ADARB1: variants seen among roughly 807,000 people sequenced by gnomAD.
ADARB1 encodes double-stranded RNA-specific editase 1.
Under a neutral mutation model 52.4 loss-of-function variants are expected in ADARB1, and 10 were observed. The observed-to-expected ratio is 0.19, with a 90% CI of 0.12 to 0.32. ADARB1 has a LOEUF of 0.32. Ranked by LOEUF, ADARB1 falls within the 10% of genes least tolerant of loss-of-function variation. The probability of loss-of-function intolerance (pLI) is 1.00; values close to 1 mark genes in which losing one functional copy is unlikely to be tolerated. For missense variants in ADARB1, 643 were observed against 922.3 expected (o/e 0.70, Z 3.92); for synonymous variants, 349 against 371.1 (o/e 0.94, Z 0.68).
At chr21:45,179,519 A>G (rs894526628) in intron 4 of ADARB1, among the ~76,000 whole-genome samples, 21 of 152,228 alleles carry the variant, frequency 1.4e-4, no homozygotes, top group Admixed American at 1.3e-3. Flanking sequence ...TATATCCAAG[A>G]TAAATCATAA....
rs183436718 is a variant in ADARB1 at position 45,128,862 on chromosome 21, G to A, written c.-48+289G>A. On this transcript the variant is annotated intron_variant, in intron 2 of 10. Transcript: ENST00000348831. This position sits in a 1 kb window ranked among gnomAD's most constrained non-coding sequence, Gnocchi z 4.6. ...GTGTGGCACTTGCTGCCCTCTTTGG[G>A]GTCAGTTCACCATTTATTGAGTCAG... 2.8e-4 allele frequency among the ~76,000 whole-genome samples: 42 copies of A among 152,176 alleles called. 1 individual carries two copies. Among genetic ancestry groups the A allele is most frequent in the Non-Finnish European group, 7.4e-5 (5 of 68,004 alleles).
At chr21:45,180,492 C>CA (rs768161896) in intron 5 of ADARB1, 48 bp downstream of exon 5, 80 of 1,462,470 alleles carry the variant, frequency 5.5e-5, no homozygotes, top group Non-Finnish European at 7.1e-5. Flanking sequence ...TCATGTCTGA[C>CA]AAATGTGAAA....
intron 2 of ADARB1, among the ~76,000 whole-genome samples, chr21:45,162,103 G>GAGGAGAGGAGGAGAGA (rs1451048632): frequency 6.6e-6 from 1 of 152,190 alleles, no homozygotes; most frequent in Non-Finnish European, 1.5e-5. Flanking sequence ...TGCAGGCAAT[G>GAGGAGAGGAGGAGAGA]AGGAGAGGAG....
rs1246467652 is a variant in ADARB1 at position 45,191,700 on chromosome 21, C to T, written c.1565+6609C>T. On this transcript the variant is annotated intron_variant, in intron 8 of 10. Transcript: ENST00000348831. ...TGTTTATAAGTTAAATAGGCCTATA[C>T]TTTTTCTAAACTTTTTAATTGTTCT... Among the ~76,000 whole-genome samples the T allele has an allele frequency of 4.0e-5, 6 of 151,388 alleles. No homozygotes were observed. In the South Asian group the frequency reaches 1.2e-3, roughly 31 times the overall value.
At chr21:45,153,058 C>T (rs962410595) in intron 2 of ADARB1, among the ~76,000 whole-genome samples, 3 of 152,146 alleles carry the variant, frequency 2.0e-5, no homozygotes, top group African/African-American at 4.8e-5. Context: ...TTTCCTTTGC[C>T]GCACTCTTCA....
chr21:45,170,850 A>G (rs1335837933), intron 2 of ADARB1, among the ~76,000 whole-genome samples: 2 of 152,240 alleles, frequency 1.3e-5, no homozygotes, highest in Non-Finnish European at 2.9e-5. Context: ...AAACTCTTAA[A>G]TTTGTTAGTA....
rs1460205379 is a variant in ADARB1, at chr21:45,224,244, A to C, written c.*2047A>C. 5.1e-6 allele frequency: 5 copies of C among 985,342 alleles called. No homozygotes were observed. In the East Asian group the frequency reaches 3.4e-4, roughly 67 times the overall value. 61.0% of individuals were successfully genotyped at this position (985,342 alleles called of 1,614,324 possible). ...TGTTAATATATTCCATATACATACAAAACTACCCGGTATGTCTGGCTTTTC... is the reference window on the plus strand; with the variant it reads ...TGTTAATATATTCCATATACATACACAACTACCCGGTATGTCTGGCTTTTC... On this transcript the variant is annotated 3_prime_UTR_variant, in exon 11 of 11. Coordinates refer to ENST00000348831, the MANE Select transcript of ADARB1 (RefSeq NM_001112.4).
chr21:45,223,834 G>C lies in ADARB1; in HGVS notation c.*1637G>C, dbSNP rs999304817. The stretch of plus-strand genomic sequence containing the variant: ...CACGTGTGTCCACACAGATCTCGTC[G>C]CAGCACGGCAGGAAGGGGTGCTGCT... On this transcript the variant is annotated 3_prime_UTR_variant, in exon 11 of 11. Transcript: ENST00000348831. 6.1e-6 allele frequency: 6 copies of C among 985,376 alleles called. No individual in the cohort carries two copies. In the Admixed American group the frequency reaches 2.5e-4, roughly 40 times the overall value. The allele number at this position is 985,376 out of a possible 1,614,324, so 61.0% of individuals were successfully genotyped here. A position where few individuals can be genotyped will look rare whatever the true frequency, so the allele number is the denominator to read the frequency against.
chr21:45,102,287 T>A (rs2087053834), intron 1 of ADARB1, among the ~76,000 whole-genome samples: 1 of 152,246 alleles, frequency 6.6e-6, no homozygotes, highest in South Asian at 2.1e-4. Context: ...AAATAATTTT[T>A]GATTTCTTGG....
chr21:45,078,054 AT>A (rs902617184), intron 1 of ADARB1, among the ~76,000 whole-genome samples: 169 of 146,742 alleles, frequency 1.2e-3, no homozygotes, highest in South Asian at 3.0e-3. Flanking sequence ...AATTATCACA[AT>A]TTTTTTTTTT....
chr21:45,121,796 C>A (rs1214989552), intron 1 of ADARB1, among the ~76,000 whole-genome samples: 1 of 152,168 alleles, frequency 6.6e-6, no homozygotes, highest in Non-Finnish European at 1.5e-5. Flanking sequence ...CTTAGTTTAC[C>A]TGTTTACTAA....
At chr21:45,163,958 G>A (rs940492456) in intron 2 of ADARB1, among the ~76,000 whole-genome samples, 2 of 152,204 alleles carry the variant, frequency 1.3e-5, no homozygotes, top group Non-Finnish European at 2.9e-5. Flanking sequence ...CTTGGGCTGT[G>A]TGCTTTTTTT....
intron 2 of ADARB1, among the ~76,000 whole-genome samples, chr21:45,168,437 T>G (rs1281091351): frequency 2.0e-5 from 3 of 152,258 alleles, no homozygotes; most frequent in African/African-American, 7.2e-5. Context: ...TCTAAAAGTT[T>G]TATAGTTTTA....
intron 1 of ADARB1, among the ~76,000 whole-genome samples, chr21:45,125,211 T>C (rs1264620565): frequency 6.6e-6 from 1 of 152,240 alleles, no homozygotes; most frequent in Non-Finnish European, 1.5e-5. Flanking sequence ...GTTTAAGTGA[T>C]AATTCCATTT....
intron 1 of ADARB1, among the ~76,000 whole-genome samples, chr21:45,082,549 C>A (rs1334242928): frequency 1.3e-5 from 2 of 152,194 alleles, no homozygotes; most frequent in African/African-American, 4.8e-5. Context: ...TCAGTTATTC[C>A]TCTCATGACA....
chr21:45,203,658 G>A (rs147980990), intron 8 of ADARB1, among the ~76,000 whole-genome samples: 9 of 152,348 alleles, frequency 5.9e-5, no homozygotes, highest in African/African-American at 2.2e-4. Context: ...TTGGTGTCAT[G>A]CATGTCAGCT....
At chr21:45,124,692 G>A (rs1406534583) in intron 1 of ADARB1, among the ~76,000 whole-genome samples, 2 of 151,374 alleles carry the variant, frequency 1.3e-5, no homozygotes, top group African/African-American at 4.9e-5. Flanking sequence ...ATTCTTTAAT[G>A]TTTGTAGTTT....
intron 1 of ADARB1, among the ~76,000 whole-genome samples, chr21:45,119,936 G>A (rs1218852142): frequency 1.3e-5 from 2 of 152,224 alleles, no homozygotes; most frequent in African/African-American, 4.8e-5. Flanking sequence ...GGTAACGCAC[G>A]AAATGCTGTT....
At chr21:45,161,427 G>A (rs561588517) in intron 2 of ADARB1, among the ~76,000 whole-genome samples, 2 of 152,232 alleles carry the variant, frequency 1.3e-5, no homozygotes, top group South Asian at 2.1e-4. Flanking sequence ...AGTTGTGGCC[G>A]AGCTGGGACA....
Sources: allele counts gnomAD v4.1 joint callset (sites outside exome capture counted in the v4.1 genomes callset), GRCh38; gene constraint gnomAD v4.1.1; non-coding constraint Gnocchi (gnomAD v3.1); transcripts MANE v1.5; gene names NCBI Gene and HGNC (gene_info 2026-07-23, HGNC 2026-07-21).